Variants in RC3H1 observed in about 807,000 individuals in gnomAD.
The protein encoded by RC3H1 is roquin-1.
In RC3H1, 50 loss-of-function variants were observed where a neutral mutation model predicts 138.2. That is an observed-to-expected ratio of 0.36 (90% CI 0.29 to 0.46). The LOEUF (loss-of-function observed/expected upper bound fraction) is 0.46. RC3H1 is among the 20% of genes least tolerant of loss of function. The pLI, the probability that RC3H1 is intolerant of heterozygous loss-of-function variation, is 1.00. For synonymous variants in RC3H1, 462 were observed against 489.1 expected (o/e 0.94, Z 0.73); for missense variants, 1,031 against 1,388.1 (o/e 0.74, Z 4.09).
intron 2 of RC3H1, among the ~76,000 whole-genome samples, chr1:173,986,632 G>A (rs541887054): frequency 6.6e-6 from 1 of 151,942 alleles, no homozygotes; most frequent in Non-Finnish European, 1.5e-5. Context: ...GCACAATCTC[G>A]GCTCACTGCA....
chr1:174,018,186 C>T (rs1455431761), intron 1 of RC3H1, among the ~76,000 whole-genome samples: 1 of 152,050 alleles, frequency 6.6e-6, no homozygotes, highest in Non-Finnish European at 1.5e-5. Context: ...GTCATTCATT[C>T]ATAATATATA....
chr1:173,950,065 AG>A (rs1159475964), intron 14 of RC3H1, among the ~76,000 whole-genome samples: 10 of 152,028 alleles, frequency 6.6e-5, no homozygotes, highest in Admixed American at 6.6e-4. Flanking sequence ...GCTCCTCGGG[AG>A]GCTGAGGCAG....
chr1:173,941,256 T>C lies in RC3H1; in HGVS notation c.3251+9A>G, dbSNP rs1458397868. The C allele has an allele frequency of 6.4e-7, 1 of 1,559,384 alleles. No individual in the cohort carries two copies. Among genetic ancestry groups the C allele is most frequent in the African/African-American group, 1.4e-5 (1 of 73,770 alleles). ...TTTAATATGGCTACGACAATCTCCT[T>C]TTCTTTACCTGAATGTCAATGTAAG... On this transcript the variant is annotated intron_variant, in intron 19 of 19. Transcript: ENST00000367696.
intron 18 of RC3H1, 48 bp downstream of exon 18, chr1:173,943,394 G>T: frequency 3.2e-6 from 5 of 1,552,324 alleles, no homozygotes; most frequent in South Asian, 1.2e-5. Context: ...AGAGCCACAT[G>T]AAAGATTTCA....
chr1:173,984,915 T>C (rs1428658347), intron 2 of RC3H1, among the ~76,000 whole-genome samples: 2 of 152,198 alleles, frequency 1.3e-5, no homozygotes, highest in East Asian at 3.8e-4. Context: ...CAATCAACTT[T>C]AGAACCTTTT....
rs569392598 is a variant in RC3H1, at chr1:173,937,675, G to C, written c.*1046C>G. ...TGATCAATTCATAAACTATCCTTAA[G>C]ACTCAATCAGTTCACAAGTAAAACA... is the stretch of plus-strand genomic sequence containing the variant. On this transcript the variant is annotated 3_prime_UTR_variant, in exon 20 of 20. Coordinates refer to ENST00000367696, the MANE Select transcript of RC3H1 (RefSeq NM_172071.4). The C allele has an allele frequency of 6.6e-6, 1 of 152,266 alleles. No individual in the cohort carries two copies. The highest frequency in any genetic ancestry group is 2.1e-4 in the South Asian group (1 of 4,824). The allele number at this position is 152,266 out of a possible 1,614,324, so 9.4% of individuals were successfully genotyped here. A position where few individuals can be genotyped will look rare whatever the true frequency, so the allele number is the denominator to read the frequency against.
At chr1:174,004,601 T>C (rs1202224428) in intron 1 of RC3H1, among the ~76,000 whole-genome samples, 1 of 150,610 alleles carries the variant, frequency 6.6e-6, no homozygotes. Flanking sequence ...AGGTCAGGGG[T>C]TCGAGACCAG....
chr1:173,956,634 G>A (rs1350983341), intron 13 of RC3H1, among the ~76,000 whole-genome samples: 25 of 147,072 alleles, frequency 1.7e-4, no homozygotes, highest in African/African-American at 5.3e-4. Context: ...ACTCCAGCCC[G>A]GGCAACAAGA....
At chr1:173,950,800 A>C (rs1477875517) in intron 14 of RC3H1, among the ~76,000 whole-genome samples, 2 of 151,966 alleles carry the variant, frequency 1.3e-5, no homozygotes, top group African/African-American at 2.4e-5. Flanking sequence ...TGGGAGGGAG[A>C]GGCGGGAGGA....
chr1:173,999,191 C>G (rs1373135524), intron 1 of RC3H1, among the ~76,000 whole-genome samples: 2 of 151,900 alleles, frequency 1.3e-5, no homozygotes, highest in Admixed American at 1.3e-4. Flanking sequence ...GAGTTTGAGA[C>G]CAGCTTGACC....
At chr1:173,972,340 G>A (rs1660391447) in intron 8 of RC3H1, among the ~76,000 whole-genome samples, 169 bp downstream of exon 8, 1 of 152,204 alleles carries the variant, frequency 6.6e-6, no homozygotes, top group Non-Finnish European at 1.5e-5. Flanking sequence ...GCCTAATGCA[G>A]TAAACTGTTA....
chr1:173,964,265 T>C, intron 10 of RC3H1, 78 bp from the exon 11 acceptor site: 2 of 1,232,800 alleles, frequency 1.6e-6, no homozygotes, highest in Non-Finnish European at 2.3e-6. Context: ...AAAAGATTGC[T>C]ACAATTTGGG....
Position 173,938,834 on chromosome 1 carries a change from T to A in RC3H1, c.3289A>T (p.Ile1097Phe). 1.2e-6 allele frequency: 2 copies of A among 1,613,672 alleles called. No homozygotes were observed. Among genetic ancestry groups the A allele is most frequent in the African/African-American group, 1.3e-5 (1 of 75,058 alleles). The change falls in exon 20 of 20, where the codon ATC becomes TTC. Residue 1097 changes from isoleucine (I) to phenylalanine (F), a missense_variant. Physicochemically the swap from Ile to Phe is conservative, Grantham distance 21. Around this residue, in one of 7 missense-constraint regions of RC3H1, gnomAD observed 716 missense variants for 837.9 expected, o/e 0.85. Coordinates refer to ENST00000367696, the MANE Select transcript of RC3H1 (RefSeq NM_172071.4). Reference protein sequence around the residue: ...PNGSALTQENISLLSNKTSSL... With the variant: ...PNGSALTQENFSLLSNKTSSL... ...CTGGTCTTGTTTGATAGGAGGCTGA[T>A]ATTCTCTTGTGTCAAGGCTGATCCA...
intron 1 of RC3H1, among the ~76,000 whole-genome samples, chr1:174,011,285 T>G (rs934605252): frequency 1.3e-5 from 2 of 151,896 alleles, no homozygotes; most frequent in Admixed American, 6.6e-5. Flanking sequence ...AAAAAAACAC[T>G]ATATGAAGAG....
chr1:174,000,997 T>C (rs1412640504), intron 1 of RC3H1, among the ~76,000 whole-genome samples: 2 of 152,180 alleles, frequency 1.3e-5, no homozygotes, highest in South Asian at 2.1e-4. Context: ...AAATCCTGGA[T>C]GTAAATAATT....
Position 174,022,038 on chromosome 1 carries a change from A to G in RC3H1, c.-151+58T>C, listed in dbSNP as rs981606362. ...CGACCACAGCTGCCTATTGTTCCCG[A>G]CTGAGGCCCCGGCCGCGGCAGCCCC... is the stretch of plus-strand genomic sequence containing the variant. On this transcript the variant is annotated intron_variant, in intron 1 of 19. Transcript: ENST00000367696. The surrounding 1 kb of genome is among the most constrained non-coding windows in gnomAD (Gnocchi z 4.2). 1 of 393,064 alleles carries G rather than the reference A, an allele frequency of 2.5e-6. No individual in the cohort carries two copies. The highest frequency in any genetic ancestry group is 4.5e-6 in the Non-Finnish European group (1 of 223,150). 24.3% of individuals were successfully genotyped at this position (393,064 alleles called of 1,614,324 possible).
At chr1:173,943,308 G>C (rs1658986296) in intron 18 of RC3H1, 134 bp downstream of exon 18, 2 of 774,064 alleles carry the variant, frequency 2.6e-6, no homozygotes, top group Non-Finnish European at 3.9e-6. Flanking sequence ...TAGCCCACCT[G>C]CATGAGAATT....
chr1:173,996,518 A>G lies in RC3H1; in HGVS notation c.-150-3383T>C, dbSNP rs150865073. ...CCTGCCTTGCAGCCTATTTTTGCCTAAACCCTGTGTAGAATGCAGTCACCT... is the reference window on the plus strand; with the variant it reads ...CCTGCCTTGCAGCCTATTTTTGCCTGAACCCTGTGTAGAATGCAGTCACCT... On this transcript the variant is annotated intron_variant, in intron 1 of 19. Transcript: ENST00000367696. Among the ~76,000 whole-genome samples the G allele has an allele frequency of 4.3e-3, 660 of 152,144 alleles. 7 individuals carry two copies. The highest frequency in any genetic ancestry group is 0.015 in the African/African-American group (627 of 41,476).
At chr1:174,002,067 G>A (rs377678995) in intron 1 of RC3H1, among the ~76,000 whole-genome samples, 24 of 152,066 alleles carry the variant, frequency 1.6e-4, no homozygotes, top group African/African-American at 4.3e-4. Context: ...TGTTGGGGGC[G>A]GGGGAGGTAA....
Sources: allele counts gnomAD v4.1 joint callset (sites outside exome capture counted in the v4.1 genomes callset), GRCh38; gene constraint gnomAD v4.1.1; regional missense constraint gnomAD v4.1.1; non-coding constraint Gnocchi (gnomAD v3.1); transcripts MANE v1.5; gene names NCBI Gene and HGNC (gene_info 2026-07-23, HGNC 2026-07-21).